DNAH10: variants seen among roughly 807,000 people sequenced by gnomAD.
The protein encoded by DNAH10 is dynein axonemal heavy chain 10, also known as axonemal beta dynein heavy chain 10.
A neutral mutation model predicts 506.6 loss-of-function variants in DNAH10; 348 were observed. That is an observed-to-expected ratio of 0.69 (90% CI 0.63 to 0.75). The LOEUF is 0.75. Ranked by LOEUF, DNAH10 falls within the 30% of genes least tolerant of loss-of-function variation. DNAH10 has a pLI of 0.00. For missense variants in DNAH10, 5,179 were observed against 5,787.1 expected (o/e 0.89, Z 3.41); for synonymous variants, 2,059 against 2,198.6 (o/e 0.94, Z 1.78).
At position 123,762,823 on chromosome 12, in the gene DNAH10, G is replaced by A. The variant is rs986760229; in HGVS notation, c.214+273G>A. 6.6e-6 allele frequency among the ~76,000 whole-genome samples: 1 copy of A among 152,208 alleles called. No individual in the cohort carries two copies. The highest frequency in any genetic ancestry group is 2.4e-5 in the African/African-American group (1 of 41,464). ...TTAGCCCGCACCCCGTGCCAGGTGC[G>A]GTTCCAACGCTTGTATCAACTCCTT... On this transcript the variant is annotated intron_variant, in intron 1 of 78. Coordinates refer to ENST00000673944, the MANE Select transcript of DNAH10 (RefSeq NM_001372106.1). The surrounding 1 kb of genome is among the most constrained non-coding windows in gnomAD (Gnocchi z 5.0).
Position 123,813,509 on chromosome 12 carries a change from T to C in DNAH10, c.3490T>C (p.Cys1164Arg). 1.2e-6 allele frequency: 2 copies of C among 1,614,186 alleles called. No homozygotes were observed. The highest frequency in any genetic ancestry group is 1.7e-6 in the Non-Finnish European group (2 of 1,180,032). The part of the protein sequence containing the change: ...MRHPLIKDEH[C>R]IRLQLRHLAN... Reference sequence around the variant, plus strand: ...CCACCCTCTAATTAAGGATGAGCATTGCATCAGACTTCAGCTCAGGCATCT... The same window carrying C: ...CCACCCTCTAATTAAGGATGAGCATCGCATCAGACTTCAGCTCAGGCATCT... The change falls in exon 20 of 79, where the codon TGC becomes CGC. Residue 1164 changes from cysteine to arginine, a missense_variant. Cys to Arg is a radical substitution (Grantham distance 180). This residue lies in a region of DNAH10 where 4,844 missense variants were observed against 5,430.5 expected (regional missense o/e 0.89). Coordinates refer to ENST00000673944, the MANE Select transcript of DNAH10 (RefSeq NM_001372106.1).
chr12:123,922,248 C>T (rs990915468), intron 65 of DNAH10, among the ~76,000 whole-genome samples: 2 of 150,510 alleles, frequency 1.3e-5, no homozygotes, highest in African/African-American at 5.0e-5. Context: ...TGGCAGGCAC[C>T]TGTAGTCCCA....
chr12:123,765,036 C>G (rs1411245694), intron 1 of DNAH10, among the ~76,000 whole-genome samples: 1 of 151,964 alleles, frequency 6.6e-6, no homozygotes, highest in Non-Finnish European at 1.5e-5. Context: ...CTGGTCTGTT[C>G]AGAGGACCTG....
At chr12:123,858,129 A>G (rs1178276556) in intron 37 of DNAH10, among the ~76,000 whole-genome samples, 1 of 152,180 alleles carries the variant, frequency 6.6e-6, no homozygotes, top group Non-Finnish European at 1.5e-5. Context: ...GGCATCAACC[A>G]TCAGAGGTTC....
chr12:123,843,948 C>A (rs1335937185), intron 30 of DNAH10, among the ~76,000 whole-genome samples: 1 of 152,222 alleles, frequency 6.6e-6, no homozygotes, highest in African/African-American at 2.4e-5. Flanking sequence ...AATCCGCAGT[C>A]ACTTTTCCAG....
At chr12:123,822,278 A>G (rs1959492441) in intron 24 of DNAH10, among the ~76,000 whole-genome samples, 1 of 152,160 alleles carries the variant, frequency 6.6e-6, no homozygotes. Context: ...TTCCCATGCA[A>G]ATTCATGCTA....
chr12:123,890,908 G>T (rs1952953427), intron 52 of DNAH10, among the ~76,000 whole-genome samples: 1 of 152,184 alleles, frequency 6.6e-6, no homozygotes, highest in Admixed American at 6.5e-5. Flanking sequence ...TGGGCTTGTG[G>T]CATTAGGAGC....
chr12:123,918,537 C>A, intron 64 of DNAH10, 139 bp from the exon 65 acceptor site: 1 of 1,039,826 alleles, frequency 9.6e-7, no homozygotes, highest in Non-Finnish European at 1.3e-6. Flanking sequence ...AGGGTGGGTG[C>A]CCTCGCTCCC....
At chr12:123,930,294 C>A in intron 72 of DNAH10, 108 bp from the exon 73 acceptor site, 1 of 1,077,644 alleles carries the variant, frequency 9.3e-7, no homozygotes, top group African/African-American at 1.6e-5. Flanking sequence ...TTGCAGCAGC[C>A]AGGCTGCTGG....
At chr12:123,811,778 C>T (rs1000880956) in intron 19 of DNAH10, among the ~76,000 whole-genome samples, 1 of 152,202 alleles carries the variant, frequency 6.6e-6, no homozygotes. Flanking sequence ...GCTGGGATTA[C>T]AGGCGTGAGC....
Position 123,875,169 on chromosome 12 carries a change from C to T in DNAH10, c.7939-62C>T, listed in dbSNP as rs144640155. ...AGCTTGAGCTGGGATGGTCAGCCAA[C>T]GCCTCTCTGACTCCTACTTTGCGAT... On this transcript the variant is annotated intron_variant, in intron 46 of 78. Coordinates refer to ENST00000673944, the MANE Select transcript of DNAH10 (RefSeq NM_001372106.1). The T allele has an allele frequency of 4.9e-4, 745 of 1,528,796 alleles. 3 individuals are homozygous for T. In the African/African-American group the frequency reaches 8.2e-3, roughly 17 times the overall value. 94.7% of individuals were successfully genotyped at this position (1,528,796 alleles called of 1,614,324 possible). A position where few individuals can be genotyped will look rare whatever the true frequency, so the allele number is the denominator to read the frequency against.
Position 123,762,308 on chromosome 12 carries a change from GC to G in DNAH10, c.-26del. On this transcript the variant is annotated 5_prime_UTR_variant, in exon 1 of 79. Coordinates refer to ENST00000673944, the MANE Select transcript of DNAH10 (RefSeq NM_001372106.1). This position sits in a 1 kb window ranked among gnomAD's most constrained non-coding sequence, Gnocchi z 5.0. ...CCGTTGCCACGGACGCCCGCCCTGC[GC>G]CCGGCTCCCTCTGCACTGCGCGGCG... 1.6e-6 allele frequency: 2 copies of G among 1,233,466 alleles called. No homozygotes were observed. Among genetic ancestry groups the G allele is most frequent in the African/African-American group, 3.1e-5 (2 of 64,550 alleles). 76.4% of individuals were successfully genotyped at this position (1,233,466 alleles called of 1,614,324 possible). A position where few individuals can be genotyped will look rare whatever the true frequency, so the allele number is the denominator to read the frequency against.
chr12:123,829,361 C>T (rs1382068875), intron 25 of DNAH10, among the ~76,000 whole-genome samples: 1 of 152,170 alleles, frequency 6.6e-6, no homozygotes, highest in East Asian at 1.9e-4. Context: ...GGCACTTGCA[C>T]AGGCCCAGTT....
chr12:123,916,641 A>G lies in DNAH10; in HGVS notation c.10907A>G (p.Tyr3636Cys), dbSNP rs193265115. 41 of 1,613,952 alleles carry G rather than the reference A, an allele frequency of 2.5e-5. No homozygotes were observed. The Admixed American group carries it at 2.8e-4, about 11-fold the overall frequency. Residue 3636 changes from tyrosine (Y) to cysteine (C), a missense_variant, in exon 63 of 79, where the codon TAT (tyrosine) becomes TGT (cysteine). Around this residue, in one of 3 missense-constraint regions of DNAH10, gnomAD observed 4,844 missense variants for 5,430.5 expected, o/e 0.89. Transcript: ENST00000673944. The surrounding 1 kb of genome is among the most constrained non-coding windows in gnomAD (Gnocchi z 4.6). ...ATCCTGGGAGACAAGGAAGTGGACT[A>G]TGATTCAAATTTCAGACTGTACCTG... ...FIILGDKEVD[Y>C]DSNFRLYLNT...
chr12:123,918,155 G>T (rs994676168), intron 64 of DNAH10, among the ~76,000 whole-genome samples: 3 of 152,242 alleles, frequency 2.0e-5, no homozygotes, highest in African/African-American at 7.2e-5. Context: ...CCTGGTTTCT[G>T]TCCATTTCTG....
In DNAH10 at chr12:123,813,454, C is replaced by G. The variant is rs1216523897; in HGVS notation, c.3435C>G (p.Phe1145Leu). ...PCVAYDEKLQ[F>L]YSKIAYEVMR... ...TAGCATATGATGAAAAGTTGCAGTT[C>G]TATTCCAAGATAGCTTATGAGGTTA... is the stretch of plus-strand genomic sequence containing the variant. The change falls in exon 20 of 79, where the codon TTC becomes TTG. Residue 1145 changes from phenylalanine (F) to leucine (L), a missense_variant. By Grantham distance (22) the Phe-to-Leu change is conservative (BLOSUM62 0). Around this residue, in one of 3 missense-constraint regions of DNAH10, gnomAD observed 4,844 missense variants for 5,430.5 expected, o/e 0.89. Coordinates refer to ENST00000673944, the MANE Select transcript of DNAH10 (RefSeq NM_001372106.1). The G allele has an allele frequency of 3.1e-6, 5 of 1,614,108 alleles. No individual in the cohort carries two copies. The highest frequency in any genetic ancestry group is 3.4e-6 in the Non-Finnish European group (4 of 1,180,054).
chr12:123,867,613 T>A lies in DNAH10; in HGVS notation c.7302+12T>A, dbSNP rs753946668. The stretch of plus-strand genomic sequence containing the variant: ...CAGACCTCAATATGGTAAGAAATGA[T>A]CCCTGCTGTTAGCAAAAAGAAATTC... On this transcript the variant is annotated intron_variant, in intron 42 of 78. Coordinates refer to ENST00000673944, the MANE Select transcript of DNAH10 (RefSeq NM_001372106.1). 9.9e-6 allele frequency: 16 copies of A among 1,612,200 alleles called. No individual in the cohort carries two copies. Among genetic ancestry groups the A allele is most frequent in the Non-Finnish European group, 1.4e-5 (16 of 1,179,474 alleles).
chr12:123,873,882 T>C (rs567558375), intron 46 of DNAH10, among the ~76,000 whole-genome samples, 172 bp downstream of exon 46: 6 of 152,280 alleles, frequency 3.9e-5, no homozygotes, highest in East Asian at 3.9e-4. Context: ...CCTGGGATGC[T>C]CTTCTTACAC....
In DNAH10 at chr12:123,848,000, G is replaced by C; in HGVS notation, c.5854G>C (p.Ala1952Pro). ...MYLGGAPAGP[A>P]GTGKTETTKD... ...TCTAGGTGGGGCCCCCGCCGGCCCA[G>C]CAGGAACCGGCAAAACCGAGACCAC... The change falls in exon 33 of 79, where the codon GCA (alanine) becomes CCA (proline). Residue 1952 changes from alanine to proline, a missense_variant. Around this residue, in one of 3 missense-constraint regions of DNAH10, gnomAD observed 4,844 missense variants for 5,430.5 expected, o/e 0.89. Coordinates refer to ENST00000673944, the MANE Select transcript of DNAH10 (RefSeq NM_001372106.1). 1 of 1,613,930 alleles carries C rather than the reference G, an allele frequency of 6.2e-7. No individual in the cohort carries two copies.
Sources: allele counts gnomAD v4.1 joint callset (sites outside exome capture counted in the v4.1 genomes callset), GRCh38; gene constraint gnomAD v4.1.1; regional missense constraint gnomAD v4.1.1; non-coding constraint Gnocchi (gnomAD v3.1); transcripts MANE v1.5; gene names NCBI Gene and HGNC (gene_info 2026-07-23, HGNC 2026-07-21).